TAFA2: variants seen among roughly 807,000 people sequenced by gnomAD.
TAFA2 encodes the protein chemokine-like protein TAFA-2.
TAFA2 carries 7 observed loss-of-function variants against 18.8 expected under a neutral mutation model. The observed-to-expected ratio is 0.37, with a 90% CI of 0.21 to 0.70. TAFA2 has a LOEUF of 0.70. Ranked by LOEUF, TAFA2 falls within the 30% of genes least tolerant of loss-of-function variation. TAFA2 has a pLI of 0.53. For missense variants in TAFA2, 122 were observed against 158.1 expected (o/e 0.77, Z 1.23); for synonymous variants, 60 against 54.2 (o/e 1.11, Z -0.47).
chr12:62,188,601 T>A (rs559587393), intron 1 of TAFA2, among the ~76,000 whole-genome samples: 27 of 152,262 alleles, frequency 1.8e-4, no homozygotes, highest in African/African-American at 6.3e-4. Context: ...ACCCTTCCTG[T>A]ATAAGGTAAT....
intron 2 of TAFA2, among the ~76,000 whole-genome samples, chr12:61,792,062 C>T (rs1871004636): frequency 6.6e-6 from 1 of 151,376 alleles, no homozygotes; most frequent in Non-Finnish European, 1.5e-5. Flanking sequence ...TCATTTGCAA[C>T]AACATGGATA....
chr12:61,869,849 T>G (rs988261414), intron 1 of TAFA2, among the ~76,000 whole-genome samples: 1 of 152,314 alleles, frequency 6.6e-6, no homozygotes, highest in Middle Eastern at 3.4e-3. Flanking sequence ...CCCCTCTGCA[T>G]CTAATCCCTG....
At chr12:61,914,093 G>A (rs560608321) in intron 1 of TAFA2, among the ~76,000 whole-genome samples, 30 of 152,226 alleles carry the variant, frequency 2.0e-4, no homozygotes, top group Admixed American at 9.8e-4. Flanking sequence ...AACTAGATTT[G>A]AGGACACCAG....
chr12:61,832,181 C>T (rs1322986001), intron 2 of TAFA2, among the ~76,000 whole-genome samples: 1 of 151,998 alleles, frequency 6.6e-6, no homozygotes, highest in Non-Finnish European at 1.5e-5. Context: ...TCACTTGTAC[C>T]CAACACCATA....
intron 2 of TAFA2, among the ~76,000 whole-genome samples, chr12:61,785,551 G>T (rs1305150345): frequency 6.6e-6 from 1 of 151,258 alleles, no homozygotes; most frequent in Non-Finnish European, 1.5e-5. Flanking sequence ...CTACTTGTTG[G>T]CAATGAAATA....
intron 1 of TAFA2, among the ~76,000 whole-genome samples, chr12:62,154,096 T>C (rs1385161301): frequency 6.6e-6 from 1 of 152,098 alleles, no homozygotes; most frequent in African/African-American, 2.4e-5. Context: ...ATGTATTTTA[T>C]TATTAAAGGA....
chr12:62,240,250 C>T (rs1015227944), intron 1 of TAFA2, among the ~76,000 whole-genome samples: 1 of 151,838 alleles, frequency 6.6e-6, no homozygotes, highest in East Asian at 1.9e-4. Context: ...GAAACCCTGT[C>T]TCTATTAAAA....
intron 1 of TAFA2, among the ~76,000 whole-genome samples, chr12:62,044,449 T>TA (rs1881854628): frequency 1.3e-5 from 2 of 152,068 alleles, no homozygotes; most frequent in African/African-American, 4.8e-5. Flanking sequence ...ATTCTGGGGA[T>TA]AAAACAAGAC....
chr12:61,717,003 T>C (rs763857009), intron 4 of TAFA2, among the ~76,000 whole-genome samples: 1 of 152,226 alleles, frequency 6.6e-6, no homozygotes, highest in Non-Finnish European at 1.5e-5. Context: ...TAAGTGCTGA[T>C]TTGAATGAAC....
chr12:62,061,958 G>A (rs116513048), intron 1 of TAFA2, among the ~76,000 whole-genome samples: 2,274 of 152,004 alleles, frequency 0.015, 50 homozygotes, highest in African/African-American at 0.05. Context: ...GGGGAGGCTC[G>A]GGGAAAAAAA....
At chr12:62,090,192 A>G (rs1007231512) in intron 1 of TAFA2, among the ~76,000 whole-genome samples, 1 of 152,016 alleles carries the variant, frequency 6.6e-6, no homozygotes, top group Non-Finnish European at 1.5e-5. Flanking sequence ...AGTAGTCTCC[A>G]GCCTCTAGTC....
chr12:61,921,728 G>T (rs988584405), intron 1 of TAFA2, among the ~76,000 whole-genome samples: 5 of 152,136 alleles, frequency 3.3e-5, no homozygotes, highest in Non-Finnish European at 7.3e-5. Context: ...ACACTAGTTT[G>T]CATACTGATG....
intron 1 of TAFA2, among the ~76,000 whole-genome samples, chr12:61,898,186 C>G (rs1001896229): frequency 8.5e-5 from 13 of 152,204 alleles, no homozygotes; most frequent in Non-Finnish European, 1.6e-4. Context: ...AGGGTACAGC[C>G]CCACCCAACC....
At chr12:62,170,270 T>C (rs1227965412) in intron 1 of TAFA2, among the ~76,000 whole-genome samples, 2 of 152,180 alleles carry the variant, frequency 1.3e-5, no homozygotes, top group African/African-American at 4.8e-5. Flanking sequence ...TAAGTAAAAA[T>C]ATGTTTAAGT....
Position 61,740,024 on chromosome 12 carries a change from C to A in TAFA2, c.384+13598G>T, listed in dbSNP as rs575939596. 2.6e-5 allele frequency among the ~76,000 whole-genome samples: 4 copies of A among 152,170 alleles called. No individual in the cohort carries two copies. The East Asian group carries it at 7.8e-4, about 29-fold the overall frequency. ...TATAGAGTATTTTAAAGTTGCAAAG[C>A]AAAGATTGCATTCAATTTGCAAGCA... On this transcript the variant is annotated intron_variant, in intron 4 of 4. Coordinates refer to ENST00000416284, the MANE Select transcript of TAFA2 (RefSeq NM_178539.5).
intron 1 of TAFA2, among the ~76,000 whole-genome samples, chr12:62,148,024 C>T (rs1227420929): frequency 3.3e-5 from 5 of 151,796 alleles, no homozygotes; most frequent in African/African-American, 7.3e-5. Context: ...TACCATCGAA[C>T]GCCAGTCAGA....
At chr12:61,828,302 A>G (rs1321267006) in intron 2 of TAFA2, among the ~76,000 whole-genome samples, 1 of 151,924 alleles carries the variant, frequency 6.6e-6, no homozygotes, top group African/African-American at 2.4e-5. Context: ...CTGATGACCA[A>G]AACGACCATT....
intron 1 of TAFA2, among the ~76,000 whole-genome samples, chr12:62,211,665 A>G (rs1706210852): frequency 2.0e-5 from 3 of 151,932 alleles, no homozygotes; most frequent in Admixed American, 6.6e-5. Flanking sequence ...GTCTTCTTTC[A>G]TAATCATTCA....
chr12:61,859,286 C>T (rs147079139), intron 2 of TAFA2, among the ~76,000 whole-genome samples: 115 of 152,298 alleles, frequency 7.6e-4, no homozygotes, highest in Non-Finnish European at 1.4e-3. Flanking sequence ...TCACTCATTA[C>T]CACCAGAAAA....
Sources: gnomAD v4.1 joint callset for allele counts (sites outside exome capture counted in the v4.1 genomes callset) on GRCh38, gnomAD v4.1.1 for gene constraint, MANE v1.5 for transcripts, NCBI Gene and HGNC (gene_info 2026-07-23, HGNC 2026-07-21) for gene names.